Variants in CDH13 observed in about 807,000 individuals in gnomAD.
CDH13 encodes the protein cadherin 13.
CDH13 carries 24 observed loss-of-function variants against 63.8 expected under a neutral mutation model. That is an observed-to-expected ratio of 0.38 (90% CI 0.27 to 0.53). The LOEUF is 0.53. CDH13 is among the 20% of genes least tolerant of loss of function. CDH13 has a pLI of 0.85. For synonymous variants in CDH13, 503 were observed against 355.3 expected, an observed-to-expected ratio of 1.42 and a Z score of -4.67; for missense variants, 1,049 against 903.1, an observed-to-expected ratio of 1.16 and a Z score of -2.07.
chr16:83,369,597 T>G (rs1288516477), intron 6 of CDH13, among the ~76,000 whole-genome samples: 1 of 152,096 alleles, frequency 6.6e-6, no homozygotes. Context: ...TTTTTTAAAT[T>G]TATTTTTCGT....
chr16:83,727,461 C>G (rs955778495), intron 10 of CDH13, among the ~76,000 whole-genome samples: 2 of 151,854 alleles, frequency 1.3e-5, no homozygotes, highest in Non-Finnish European at 2.9e-5. Context: ...CCGAGATTCT[C>G]CCAGCACATC....
At chr16:83,574,310 T>G (rs746730973) in intron 7 of CDH13, among the ~76,000 whole-genome samples, 2 of 152,220 alleles carry the variant, frequency 1.3e-5, no homozygotes, top group Non-Finnish European at 2.9e-5. Flanking sequence ...CACTTGAGCT[T>G]GCCTCCAAAG....
In CDH13 at chr16:82,848,638, A is replaced by G. The variant is rs1015592433; in HGVS notation, c.46-9724A>G. On this transcript the variant is annotated intron_variant, in intron 1 of 13. Coordinates refer to ENST00000567109, the MANE Select transcript of CDH13 (RefSeq NM_001257.5). ...ATATAAGATGCCAAACTTAATTGAT[A>G]AGTGCGTGTTCTGACTGTTCCACCA... is the stretch of plus-strand genomic sequence containing the variant. 7.9e-5 allele frequency among the ~76,000 whole-genome samples: 12 copies of G among 151,604 alleles called. 1 individual carries two copies. Among genetic ancestry groups the G allele is most frequent in the Admixed American group, 7.2e-4 (11 of 15,220 alleles).
intron 1 of CDH13, among the ~76,000 whole-genome samples, chr16:82,728,330 C>G (rs934921232): frequency 6.6e-6 from 1 of 152,106 alleles, no homozygotes; most frequent in Non-Finnish European, 1.5e-5. Flanking sequence ...TGGGCTTGTT[C>G]TATCCATCCA....
chr16:83,580,241 C>T (rs192421042), intron 7 of CDH13, among the ~76,000 whole-genome samples: 16 of 152,070 alleles, frequency 1.1e-4, no homozygotes, highest in African/African-American at 3.4e-4. Flanking sequence ...TAAATATGTG[C>T]GTGAGGTGAT....
chr16:82,683,884 T>C (rs1204242246), intron 1 of CDH13, among the ~76,000 whole-genome samples: 1 of 152,248 alleles, frequency 6.6e-6, no homozygotes, highest in Non-Finnish European at 1.5e-5. Flanking sequence ...TTTTGTTTTC[T>C]GTGTTGATAA....
chr16:83,059,510 C>G (rs1156612335), intron 3 of CDH13, among the ~76,000 whole-genome samples: 1 of 152,078 alleles, frequency 6.6e-6, no homozygotes, highest in Non-Finnish European at 1.5e-5. Flanking sequence ...CACTGGCGCT[C>G]GGGTGTCTGC....
chr16:83,753,364 C>A (rs187330242), intron 11 of CDH13, among the ~76,000 whole-genome samples: 2 of 152,130 alleles, frequency 1.3e-5, no homozygotes, highest in South Asian at 2.1e-4. Context: ...GGCAACATGG[C>A]AAAACTCCAT....
At chr16:83,191,655 G>C (rs1363852082) in intron 4 of CDH13, among the ~76,000 whole-genome samples, 1 of 151,100 alleles carries the variant, frequency 6.6e-6, no homozygotes, top group African/African-American at 2.4e-5. Context: ...AGGAGCAAGG[G>C]AGCCAGTCCA....
chr16:83,477,070 T>C (rs972249181), intron 6 of CDH13, among the ~76,000 whole-genome samples: 4 of 152,222 alleles, frequency 2.6e-5, no homozygotes, highest in Non-Finnish European at 5.9e-5. Context: ...TCACCTAATA[T>C]GTCATAAACA....
chr16:83,682,374 A>C (rs1284487884), intron 10 of CDH13, among the ~76,000 whole-genome samples: 1 of 152,104 alleles, frequency 6.6e-6, no homozygotes, highest in East Asian at 1.9e-4. Flanking sequence ...GCAGCTGTAC[A>C]AGGTCGTTCA....
chr16:83,583,366 G>A (rs55982631), intron 7 of CDH13, among the ~76,000 whole-genome samples: 59,775 of 152,008 alleles, frequency 0.39, 12,344 homozygotes, highest in Middle Eastern at 0.49. Flanking sequence ...ATACAAGCCC[G>A]TGGAGATAGC....
chr16:83,188,391 C>T (rs1342038624), intron 4 of CDH13, among the ~76,000 whole-genome samples: 1 of 151,968 alleles, frequency 6.6e-6, no homozygotes, highest in African/African-American at 2.4e-5. Flanking sequence ...AGGATTTTAG[C>T]TCTGTTTTAT....
intron 1 of CDH13, among the ~76,000 whole-genome samples, chr16:82,816,069 G>A (rs2037691431): frequency 6.6e-6 from 1 of 152,250 alleles, no homozygotes; most frequent in African/African-American, 2.4e-5. Context: ...CAATTTTGGT[G>A]AAGCGAAGGG....
At chr16:83,786,599 T>C (rs536579942) in intron 13 of CDH13, among the ~76,000 whole-genome samples, 43 of 151,966 alleles carry the variant, frequency 2.8e-4, no homozygotes, top group African/African-American at 1.0e-3. Context: ...TATTTATTTA[T>C]TTTTTTGAGA....
At chr16:83,509,962 TG>T (rs2074518493) in intron 7 of CDH13, among the ~76,000 whole-genome samples, 1 of 152,098 alleles carries the variant, frequency 6.6e-6, no homozygotes, top group Non-Finnish European at 1.5e-5. Context: ...ATTGGGAGCA[TG>T]GTATTGTAGC....
chr16:83,728,771 G>C (rs970346022), intron 10 of CDH13: 1 of 152,168 alleles, frequency 6.6e-6, no homozygotes, highest in African/African-American at 2.4e-5. Context: ...GCAACTGTGT[G>C]GTTCAACCTA....
rs1287223054 is a variant in CDH13, at chr16:83,164,343, T to TACCACAC, written c.483+38858_483+38864dup. 3.3e-5 allele frequency among the ~76,000 whole-genome samples: 5 copies of TACCACAC among 151,822 alleles called. No homozygotes were observed. In the South Asian group the frequency reaches 6.2e-4, roughly 19 times the overall value. ...CACACATCACACACCACACATCACATACCACACACCACACACCACACATGG... is the reference window on the plus strand; with the variant it reads ...CACACATCACACACCACACATCACATACCACACACCACACACCACACACCACACATGG... On this transcript the variant is annotated intron_variant, in intron 4 of 13. Coordinates refer to ENST00000567109, the MANE Select transcript of CDH13 (RefSeq NM_001257.5).
At chr16:82,643,180 A>G (rs866527962) in intron 1 of CDH13, among the ~76,000 whole-genome samples, 3 of 152,192 alleles carry the variant, frequency 2.0e-5, no homozygotes, top group South Asian at 2.1e-4. Flanking sequence ...TGGGAATCAT[A>G]TATCTTAACC....
Sources: gnomAD v4.1 joint callset for allele counts (sites outside exome capture counted in the v4.1 genomes callset) on GRCh38, gnomAD v4.1.1 for gene constraint, MANE v1.5 for transcripts, NCBI Gene and HGNC (gene_info 2026-07-23, HGNC 2026-07-21) for gene names.